VSTM4: variants seen among roughly 807,000 people sequenced by gnomAD.
VSTM4 encodes V-set and transmembrane domain-containing protein 4.
VSTM4 carries 20 observed loss-of-function variants against 36.4 expected under a neutral mutation model. The ratio of observed to expected loss-of-function variants is 0.55; its 90% confidence interval spans 0.39 to 0.80. The LOEUF is 0.80. VSTM4 is among the 30% of genes least tolerant of loss of function. The pLI, the probability that VSTM4 is intolerant of heterozygous loss-of-function variation, is 0.00. For missense variants in VSTM4, 392 were observed against 404.5 expected (o/e 0.97, Z 0.26); for synonymous variants, 182 against 173.9 (o/e 1.05, Z -0.37).
intron 7 of VSTM4, among the ~76,000 whole-genome samples, chr10:49,032,151 A>G (rs926749304): frequency 6.6e-6 from 1 of 152,230 alleles, no homozygotes; most frequent in Non-Finnish European, 1.5e-5. Context: ...CCTCCACTAA[A>G]GAATGTGACA....
rs3920245 is a variant in VSTM4, at chr10:49,015,411, G to A, written c.*4239C>T. The A allele has an allele frequency of 0.017, 2,661 of 152,228 alleles. 76 individuals are homozygous for A. The highest frequency in any genetic ancestry group is 0.12 in the South Asian group (576 of 4,798). The allele number at this position is 152,228 out of a possible 1,614,324, so 9.4% of individuals were successfully genotyped here. ...GCTGGGATTACAGGCGTGAGCCACC[G>A]TGCCCACCCAGGATCTACATTTTAA... On this transcript the variant is annotated 3_prime_UTR_variant, in exon 8 of 8. Transcript: ENST00000332853.
intron 1 of VSTM4, among the ~76,000 whole-genome samples, chr10:49,112,510 G>A (rs1844913289): frequency 6.6e-6 from 1 of 152,218 alleles, no homozygotes; most frequent in African/African-American, 2.4e-5. Context: ...GCCTTTCACA[G>A]TAAGCATAGG....
At chr10:49,080,797 G>A (rs1307544527) in intron 3 of VSTM4, among the ~76,000 whole-genome samples, 1 of 152,248 alleles carries the variant, frequency 6.6e-6, no homozygotes, top group East Asian at 1.9e-4. Context: ...TTGGAGGAAA[G>A]CCCTGTCAGT....
In VSTM4 at chr10:49,015,430, A is replaced by C. The variant is rs1335353580; in HGVS notation, c.*4220T>G. The C allele has an allele frequency of 1.3e-5, 2 of 152,194 alleles. No individual in the cohort carries two copies. Among genetic ancestry groups the C allele is most frequent in the Non-Finnish European group, 2.9e-5 (2 of 68,092 alleles). 9.4% of individuals were successfully genotyped at this position (152,194 alleles called of 1,614,324 possible). ...GCCACCGTGCCCACCCAGGATCTAC[A>C]TTTTAACAAGATCTCGATGATTTGT... On this transcript the variant is annotated 3_prime_UTR_variant, in exon 8 of 8. Transcript: ENST00000332853.
At chr10:49,069,769 A>G (rs1267180816) in intron 4 of VSTM4, among the ~76,000 whole-genome samples, 1 of 152,162 alleles carries the variant, frequency 6.6e-6, no homozygotes. Context: ...TGGCACAAAA[A>G]GCCACTTAGA....
At chr10:49,078,957 G>C (rs1190187388) in intron 3 of VSTM4, among the ~76,000 whole-genome samples, 2 of 152,042 alleles carry the variant, frequency 1.3e-5, no homozygotes, top group African/African-American at 4.8e-5. Context: ...TCAGCCTCCT[G>C]AGTAGCTGGG....
chr10:49,078,547 G>C (rs1844221894), intron 3 of VSTM4, among the ~76,000 whole-genome samples: 1 of 147,648 alleles, frequency 6.8e-6, no homozygotes, highest in African/African-American at 2.5e-5. Flanking sequence ...AATCCCAAAA[G>C]GTTACATTCT....
chr10:49,050,494 G>A (rs1254930851), intron 5 of VSTM4, among the ~76,000 whole-genome samples: 1 of 152,160 alleles, frequency 6.6e-6, no homozygotes, highest in African/African-American at 2.4e-5. Context: ...TAAATTCCAA[G>A]AATACAGTTC....
rs553834513 is a variant in VSTM4, at chr10:49,099,646, C to T, written c.457+7948G>A. On this transcript the variant is annotated intron_variant, in intron 2 of 7. Coordinates refer to ENST00000332853, the MANE Select transcript of VSTM4 (RefSeq NM_001031746.5). ...TTTCTCTCTAAGCAGGATTTCTCAC[C>T]CAGTGAAATCATCACATGGCACAGG... Among the ~76,000 whole-genome samples the T allele has an allele frequency of 5.9e-5, 9 of 152,274 alleles. No individual in the cohort carries two copies. The East Asian group carries it at 1.7e-3, about 29-fold the overall frequency.
At chr10:49,026,873 G>C (rs1480957098) in intron 7 of VSTM4, among the ~76,000 whole-genome samples, 1 of 152,338 alleles carries the variant, frequency 6.6e-6, no homozygotes, top group African/African-American at 2.4e-5. Context: ...TGTGACTGCT[G>C]AAAGTACCAA....
At chr10:49,040,553 T>G (rs562342789) in intron 7 of VSTM4, among the ~76,000 whole-genome samples, 1 of 152,338 alleles carries the variant, frequency 6.6e-6, no homozygotes, top group Non-Finnish European at 1.5e-5. Flanking sequence ...CCCAAATTGC[T>G]GGGATTACAG....
chr10:49,072,591 C>G (rs1208521686), intron 4 of VSTM4, among the ~76,000 whole-genome samples: 1 of 152,194 alleles, frequency 6.6e-6, no homozygotes, highest in Non-Finnish European at 1.5e-5. Context: ...TTCCCTAAGT[C>G]TGGCCCGTCC....
chr10:49,043,381 T>C (rs916389093), intron 7 of VSTM4, among the ~76,000 whole-genome samples: 2 of 152,232 alleles, frequency 1.3e-5, no homozygotes, highest in African/African-American at 4.8e-5. Context: ...ATGTGGCTAC[T>C]AGAAAGTTTA....
intron 3 of VSTM4, among the ~76,000 whole-genome samples, chr10:49,083,690 A>G (rs1013740156): frequency 6.6e-6 from 1 of 152,224 alleles, no homozygotes; most frequent in Non-Finnish European, 1.5e-5. Flanking sequence ...TAACCCTGAC[A>G]TTCTATAGCT....
intron 1 of VSTM4, among the ~76,000 whole-genome samples, chr10:49,112,807 C>T (rs1050465477): frequency 2.6e-5 from 4 of 152,226 alleles, no homozygotes; most frequent in Non-Finnish European, 5.9e-5. Flanking sequence ...TGTTTGTAGA[C>T]GAATCTCAAA....
At chr10:49,081,002 T>C (rs1020515309) in intron 3 of VSTM4, among the ~76,000 whole-genome samples, 2 of 152,164 alleles carry the variant, frequency 1.3e-5, no homozygotes, top group East Asian at 3.8e-4. Context: ...GGCTGCAGCA[T>C]CCATTTAAAC....
At chr10:49,051,702 C>T (rs1210552353) in intron 5 of VSTM4, among the ~76,000 whole-genome samples, 1 of 152,170 alleles carries the variant, frequency 6.6e-6, no homozygotes, top group Non-Finnish European at 1.5e-5. Context: ...AGCCTGATAG[C>T]TCATTTCTTT....
At position 49,019,373 on chromosome 10, in the gene VSTM4, A is replaced by T. The variant is rs1388202953; in HGVS notation, c.*277T>A. On this transcript the variant is annotated 3_prime_UTR_variant, in exon 8 of 8. Transcript: ENST00000332853. ...AATGTGAAGGGGTTTGGCTCAGCAG[A>T]AAATCTCCTTGGCTGCTCTCAGGAT... 3.5e-6 allele frequency: 1 copy of T among 286,170 alleles called. No individual in the cohort carries two copies. Among genetic ancestry groups the T allele is most frequent in the Non-Finnish European group, 6.3e-6 (1 of 157,906 alleles). The allele number at this position is 286,170 out of a possible 1,614,324, so 17.7% of individuals were successfully genotyped here.
chr10:49,034,195 ATC>A (rs1384689060), intron 7 of VSTM4, among the ~76,000 whole-genome samples: 2 of 20,324 alleles, frequency 9.8e-5, no homozygotes, highest in Non-Finnish European at 7.0e-4. Context: ...TATCACCACC[ATC>A]ATCACCATCA....
Sources: gnomAD v4.1 joint callset for allele counts (sites outside exome capture counted in the v4.1 genomes callset) on GRCh38, gnomAD v4.1.1 for gene constraint, MANE v1.5 for transcripts, NCBI Gene and HGNC (gene_info 2026-07-23, HGNC 2026-07-21) for gene names.